The following SLC24A2 variants were observed in gnomAD, a reference collection of about 807,000 sequenced individuals.
SLC24A2 encodes solute carrier family 24 member 2.
In SLC24A2, 36 loss-of-function variants were observed where a neutral mutation model predicts 62.0. The observed-to-expected ratio is 0.58, with a 90% CI of 0.44 to 0.77. The LOEUF (loss-of-function observed/expected upper bound fraction) is 0.77, where lower values mean the gene tolerates loss of function less well. Ranked by LOEUF, SLC24A2 falls within the 30% of genes least tolerant of loss-of-function variation. SLC24A2 has a pLI of 0.00. For missense variants in SLC24A2, 846 were observed against 817.9 expected, an observed-to-expected ratio of 1.03 and a Z score of -0.42; for synonymous variants, 358 against 294.0, an observed-to-expected ratio of 1.22 and a Z score of -2.23.
chr9:19,871,034 G>C, the SLC24A2 span, among the ~76,000 whole-genome samples: 1 of 150,790 alleles, frequency 6.6e-6, no homozygotes, highest in Admixed American at 6.6e-5. Context: ...TCTGTTGTTT[G>C]TGCTTTTGCT....
chr9:19,710,478 G>T (rs1287206794), intron 2 of SLC24A2, among the ~76,000 whole-genome samples: 3 of 152,174 alleles, frequency 2.0e-5, no homozygotes, highest in Non-Finnish European at 4.4e-5. Flanking sequence ...TGGACCAGTA[G>T]GTCTCGGCCA....
the SLC24A2 span, among the ~76,000 whole-genome samples, chr9:20,080,894 C>A: frequency 2.0e-5 from 3 of 152,054 alleles, no homozygotes; most frequent in Non-Finnish European, 2.9e-5. Flanking sequence ...CCATCACTGG[C>A]CATCAGAGAA....
At chr9:19,618,086 G>A (rs1402284267) in intron 4 of SLC24A2, among the ~76,000 whole-genome samples, 4 of 152,202 alleles carry the variant, frequency 2.6e-5, no homozygotes, top group Non-Finnish European at 5.9e-5. Flanking sequence ...GTTTACAGAG[G>A]TGAAAATGCT....
chr9:19,911,758 A>G, the SLC24A2 span, among the ~76,000 whole-genome samples: 1 of 151,972 alleles, frequency 6.6e-6, no homozygotes, highest in Non-Finnish European at 1.5e-5. Flanking sequence ...TATGGTAGGA[A>G]CTCCACTTGA....
intron 9 of SLC24A2, among the ~76,000 whole-genome samples, chr9:19,526,792 G>A (rs1586893105): frequency 6.6e-6 from 1 of 151,922 alleles, no homozygotes; most frequent in Non-Finnish European, 1.5e-5. Flanking sequence ...TCCAGCCTGT[G>A]GTTTTCCTTT....
chr9:19,516,167 G>A lies in SLC24A2; in HGVS notation c.1972C>T (p.Pro658Ser), dbSNP rs898385986. ...GGCTTTTCCTGCTAGATGGAGACGGGGCATGTAAGAATTCTGTCTTCTAGG... is the reference window on the plus strand; with the variant it reads ...GGCTTTTCCTGCTAGATGGAGACGGAGCATGTAAGAATTCTGTCTTCTAGG... Reference protein sequence around the residue: ...VLLEDRILTCPVSI With the variant: ...VLLEDRILTCSVSI Residue 658 changes from proline to serine, a missense_variant, in exon 11 of 11, where the codon CCC (proline) becomes TCC (serine). Coordinates refer to ENST00000341998, the MANE Select transcript of SLC24A2 (RefSeq NM_020344.4). 6.8e-6 allele frequency: 11 copies of A among 1,614,120 alleles called. No homozygotes were observed. The highest frequency in any genetic ancestry group is 8.5e-6 in the Non-Finnish European group (10 of 1,180,020).
chr9:20,220,846 C>T, the SLC24A2 span, among the ~76,000 whole-genome samples: 8 of 152,128 alleles, frequency 5.3e-5, no homozygotes, highest in Admixed American at 2.6e-4. Flanking sequence ...CCTACCTAAA[C>T]GAAAAATATC....
At chr9:20,129,846 A>G in the SLC24A2 span, among the ~76,000 whole-genome samples, 479 of 151,770 alleles carry the variant, frequency 3.2e-3, 1 homozygote, top group African/African-American at 0.011. Context: ...ATGTTCAGGA[A>G]CTATGTAAAG....
chr9:20,200,249 C>T, the SLC24A2 span, among the ~76,000 whole-genome samples: 3 of 152,190 alleles, frequency 2.0e-5, no homozygotes, highest in African/African-American at 7.2e-5. Flanking sequence ...CCACTGCCCA[C>T]ATATTTCCAG....
chr9:19,862,915 G>A, the SLC24A2 span, among the ~76,000 whole-genome samples: 9 of 151,860 alleles, frequency 5.9e-5, no homozygotes, highest in Middle Eastern at 3.4e-3. Flanking sequence ...AGGAATATAG[G>A]AAGGAAACAA....
the SLC24A2 span, among the ~76,000 whole-genome samples, chr9:20,258,819 ATCTATCTATCTATCTG>A: frequency 5.0e-5 from 5 of 100,614 alleles, no homozygotes; most frequent in Non-Finnish European, 1.0e-4. Flanking sequence ...TATCTACCTT[ATCTATCTATCTATCTG>A]TCTATCTATC....
the SLC24A2 span, among the ~76,000 whole-genome samples, chr9:19,947,808 AAAAGAAAGAAAGAAAGAAAG>A: frequency 3.4e-5 from 2 of 59,226 alleles, no homozygotes; most frequent in African/African-American, 1.6e-4. Flanking sequence ...AAAAAAAAAA[AAAAGAAAGAAAGAAAGAAAG>A]AAAGAAAGAA....
At chr9:19,891,618 T>C in the SLC24A2 span, among the ~76,000 whole-genome samples, 3 of 152,154 alleles carry the variant, frequency 2.0e-5, no homozygotes, top group African/African-American at 4.8e-5. Context: ...TAGTGACTCA[T>C]GCCTGTAATC....
the SLC24A2 span, among the ~76,000 whole-genome samples, chr9:20,089,712 C>T: frequency 4.7e-5 from 7 of 150,222 alleles, no homozygotes; most frequent in African/African-American, 1.7e-4. Context: ...ACCACTGCCA[C>T]AGTAGCAGTT....
At chr9:19,732,053 C>T (rs1329054342) in intron 2 of SLC24A2, among the ~76,000 whole-genome samples, 2 of 152,058 alleles carry the variant, frequency 1.3e-5, no homozygotes, top group East Asian at 1.9e-4. Context: ...AAAAATGATA[C>T]CTATTGCTGT....
At chr9:20,011,050 A>G in the SLC24A2 span, among the ~76,000 whole-genome samples, 2 of 152,126 alleles carry the variant, frequency 1.3e-5, no homozygotes, top group Non-Finnish European at 2.9e-5. Context: ...TGCTATTTTG[A>G]ATAGTGCCAC....
intron 4 of SLC24A2, among the ~76,000 whole-genome samples, chr9:19,610,133 T>C (rs1837111067): frequency 6.6e-6 from 1 of 152,198 alleles, no homozygotes; most frequent in African/African-American, 2.4e-5. Context: ...GTCTAGTGCA[T>C]GAATTTATTA....
chr9:20,306,720 G>A, the SLC24A2 span, among the ~76,000 whole-genome samples: 18 of 151,880 alleles, frequency 1.2e-4, no homozygotes, highest in South Asian at 2.1e-4. Context: ...ATTTTGAGAC[G>A]GAGTCTCACT....
At chr9:19,731,497 T>TTC (rs71335449) in intron 2 of SLC24A2, among the ~76,000 whole-genome samples, 2,978 of 148,204 alleles carry the variant, frequency 0.02, 98 homozygotes, top group African/African-American at 0.068. Flanking sequence ...GAACACTTGT[T>TTC]TCTCTCTCTC....
Sources: gnomAD v4.1 joint callset for allele counts (sites outside exome capture counted in the v4.1 genomes callset) on GRCh38, gnomAD v4.1.1 for gene constraint, MANE v1.5 for transcripts, NCBI Gene and HGNC (gene_info 2026-07-23, HGNC 2026-07-21) for gene names.